CAMSAP2: variants seen among roughly 807,000 people sequenced by gnomAD.
CAMSAP2 encodes the protein calmodulin regulated spectrin associated protein family member 2, also known as calmodulin-regulated spectrin-associated protein 2.
A neutral mutation model predicts 146.1 loss-of-function variants in CAMSAP2; 26 were observed. The ratio of observed to expected loss-of-function variants is 0.18; its 90% confidence interval spans 0.13 to 0.25. CAMSAP2 has a LOEUF of 0.25. Ranked by LOEUF, CAMSAP2 falls within the 10% of genes least tolerant of loss-of-function variation. The probability of loss-of-function intolerance (pLI) is 1.00; values close to 1 mark genes in which losing one functional copy is unlikely to be tolerated. For missense variants in CAMSAP2, 1,381 were observed against 1,759.3 expected (o/e 0.78, Z 3.85); for synonymous variants, 499 against 596.6 (o/e 0.84, Z 2.38).
In CAMSAP2 at chr1:200,739,479, G is replaced by T. The variant is rs1391382346; in HGVS notation, c.-349G>T. The stretch of plus-strand genomic sequence containing the variant: ...AGCCTCCACCCTCCCCCAAGCCCGT[G>T]TGACTAAACCGAGACAAAGGGGAGG... On this transcript the variant is annotated 5_prime_UTR_variant, in exon 1 of 17. Coordinates refer to ENST00000358823, the MANE Select transcript of CAMSAP2 (RefSeq NM_203459.4). The surrounding 1 kb of genome is among the most constrained non-coding windows in gnomAD (Gnocchi z 4.8). 1 of 155,218 alleles carries T rather than the reference G, an allele frequency of 6.4e-6. No individual in the cohort carries two copies. The highest frequency in any genetic ancestry group is 1.4e-5 in the Non-Finnish European group (1 of 70,142). 9.6% of individuals were successfully genotyped at this position (155,218 alleles called of 1,614,324 possible). A position where few individuals can be genotyped will look rare whatever the true frequency, so the allele number is the denominator to read the frequency against.
At position 200,816,829 on chromosome 1, in the gene CAMSAP2, CGCGTGTGT is replaced by C. The variant is rs1666535316; in HGVS notation, c.645+1186_645+1193del. Among the ~76,000 whole-genome samples the C allele has an allele frequency of 3.8e-5, 3 of 79,862 alleles. 1 individual carries two copies. Among genetic ancestry groups the C allele is most frequent in the Non-Finnish European group, 6.9e-5 (3 of 43,486 alleles). 52.4% of individuals were successfully genotyped at this position (79,862 alleles called of 152,430 possible). A position where few individuals can be genotyped will look rare whatever the true frequency, so the allele number is the denominator to read the frequency against. ...GTGTATATATGTGTGTACACACACA[CGCGTGTGT>C]ATGTGTGTACACACACACGCGTGTG... is the stretch of plus-strand genomic sequence containing the variant. On this transcript the variant is annotated intron_variant, in intron 4 of 16. Transcript: ENST00000358823.
chr1:200,828,114 A>G (rs1385413709), intron 4 of CAMSAP2, among the ~76,000 whole-genome samples: 6 of 152,198 alleles, frequency 3.9e-5, no homozygotes, highest in Non-Finnish European at 8.8e-5. Context: ...TATTTGCTTT[A>G]TACTTGTTTT....
chr1:200,814,147 C>CGGGGGGGGGGGGTGGGG (rs1316609882), intron 3 of CAMSAP2, among the ~76,000 whole-genome samples: 1 of 3,168 alleles, frequency 3.2e-4, no homozygotes, highest in Non-Finnish European at 6.5e-4. Context: ...GAGGGGTGGG[C>CGGGGGGGGGGGGTGGGG]GGGTGGGGAA....
intron 2 of CAMSAP2, among the ~76,000 whole-genome samples, chr1:200,770,705 C>T (rs1275720570): frequency 1.3e-5 from 2 of 152,122 alleles, no homozygotes; most frequent in Admixed American, 6.6e-5. Flanking sequence ...TGAGCCACCG[C>T]ACCTGGCCTA....
chr1:200,847,586 A>T, intron 9 of CAMSAP2, 54 bp from the exon 10 acceptor site: 2 of 1,387,748 alleles, frequency 1.4e-6, no homozygotes, highest in South Asian at 1.2e-5. Flanking sequence ...CTAAGTTGCT[A>T]TAAGTTAATT....
chr1:200,849,097 C>T lies in CAMSAP2; in HGVS notation c.2328C>T (p.Thr776=). The T allele has an allele frequency of 6.2e-7, 1 of 1,613,998 alleles. No homozygotes were observed. The highest frequency in any genetic ancestry group is 2.2e-5 in the East Asian group (1 of 44,874). ...AQKKKMEAAF[T]KQRQKMGRTA... ...AAAAGAAAATGGAAGCTGCTTTTACCAAACAGAGACAGAAAATGGGAAGGA... is the reference window on the plus strand; with the variant it reads ...AAAAGAAAATGGAAGCTGCTTTTACTAAACAGAGACAGAAAATGGGAAGGA... The change falls in exon 11 of 17, where the codon ACC becomes ACT. Residue 776 remains threonine, a synonymous_variant. Coordinates refer to ENST00000358823, the MANE Select transcript of CAMSAP2 (RefSeq NM_203459.4). This position sits in a 1 kb window ranked among gnomAD's most constrained non-coding sequence, Gnocchi z 6.3.
chr1:200,844,982 CTGTTA>C (rs1344136259), intron 8 of CAMSAP2, 113 bp downstream of exon 8: 4 of 546,938 alleles, frequency 7.3e-6, no homozygotes, highest in Admixed American at 3.9e-5. Context: ...GGATTTTGAA[CTGTTA>C]TAATTAGCTT....
chr1:200,752,093 T>C (rs1664522072), intron 1 of CAMSAP2, among the ~76,000 whole-genome samples: 1 of 152,192 alleles, frequency 6.6e-6, no homozygotes, highest in African/African-American at 2.4e-5. Context: ...AATCCAAATG[T>C]ATTTTTTTAA....
chr1:200,821,270 T>C (rs1666755807), intron 4 of CAMSAP2, among the ~76,000 whole-genome samples: 1 of 151,540 alleles, frequency 6.6e-6, no homozygotes, highest in African/African-American at 2.4e-5. Context: ...GCAGCCTTGA[T>C]CTCCTGGGCT....
At chr1:200,776,740 A>G (rs981656790) in intron 2 of CAMSAP2, among the ~76,000 whole-genome samples, 1 of 152,094 alleles carries the variant, frequency 6.6e-6, no homozygotes, top group Middle Eastern at 3.2e-3. Context: ...ACAAAACAAA[A>G]CAACAACAAC....
At chr1:200,774,773 T>C (rs1340227722) in intron 2 of CAMSAP2, among the ~76,000 whole-genome samples, 1 of 152,178 alleles carries the variant, frequency 6.6e-6, no homozygotes, top group Admixed American at 6.5e-5. Flanking sequence ...AGTATATAAT[T>C]CACAAAATAA....
chr1:200,785,393 G>GTTT (rs373017749), intron 2 of CAMSAP2, among the ~76,000 whole-genome samples: 9 of 137,154 alleles, frequency 6.6e-5, no homozygotes, highest in African/African-American at 8.1e-5. Flanking sequence ...TTTTTCTTTT[G>GTTT]TTTTTTTTTT....
chr1:200,817,272 A>ACACACATATGTGTGTG (rs1553288883), intron 4 of CAMSAP2, among the ~76,000 whole-genome samples: 160 of 119,300 alleles, frequency 1.3e-3, no homozygotes, highest in Non-Finnish European at 2.0e-3. Flanking sequence ...ATACACACAT[A>ACACACATATGTGTGTG]TATATATATT....
At chr1:200,811,082 G>A (rs78849011) in intron 3 of CAMSAP2, among the ~76,000 whole-genome samples, 1 of 152,130 alleles carries the variant, frequency 6.6e-6, no homozygotes, top group Non-Finnish European at 1.5e-5. Flanking sequence ...GGTCAAAAAG[G>A]CAAATCCAAT....
intron 2 of CAMSAP2, among the ~76,000 whole-genome samples, chr1:200,774,926 T>G (rs11810437): frequency 0.17 from 26,599 of 152,134 alleles, 3,092 homozygotes; most frequent in East Asian, 0.35. Flanking sequence ...ATAAGTACTT[T>G]TTGGTTACGG....
chr1:200,856,413 T>C (rs530447290), intron 15 of CAMSAP2, among the ~76,000 whole-genome samples: 1 of 152,352 alleles, frequency 6.6e-6, no homozygotes, highest in Admixed American at 6.5e-5. Context: ...GAGTAAAGGC[T>C]AGAATCCACC....
chr1:200,806,633 T>G (rs1021948013), intron 2 of CAMSAP2, among the ~76,000 whole-genome samples: 6 of 152,164 alleles, frequency 3.9e-5, no homozygotes, highest in African/African-American at 1.4e-4. Context: ...GTGTACATAT[T>G]TCATAGGCAT....
At chr1:200,774,060 A>G (rs1665196233) in intron 2 of CAMSAP2, among the ~76,000 whole-genome samples, 1 of 152,190 alleles carries the variant, frequency 6.6e-6, no homozygotes, top group Admixed American at 6.5e-5. Flanking sequence ...GTGGACAGTC[A>G]TGGCAGTTGT....
At chr1:200,772,129 A>G (rs1665133267) in intron 2 of CAMSAP2, among the ~76,000 whole-genome samples, 1 of 152,144 alleles carries the variant, frequency 6.6e-6, no homozygotes. Flanking sequence ...ACTCACAGTT[A>G]GGAATGCATT....
Sources: gnomAD v4.1 joint callset for allele counts (sites outside exome capture counted in the v4.1 genomes callset) on GRCh38, gnomAD v4.1.1 for gene constraint, Gnocchi (gnomAD v3.1) non-coding constraint, MANE v1.5 for transcripts, NCBI Gene and HGNC (gene_info 2026-07-23, HGNC 2026-07-21) for gene names.